The following ETNK1 variants were observed in gnomAD, a reference collection of about 807,000 sequenced individuals.
The protein encoded by ETNK1 is ethanolamine kinase 1.
Under a neutral mutation model 45.1 loss-of-function variants are expected in ETNK1, and 8 were observed. The observed-to-expected ratio is 0.18, with a 90% CI of 0.10 to 0.32. ETNK1 has a LOEUF of 0.32. Among genes scored for constraint, ETNK1 ranks in the 10% least tolerant of loss-of-function variants. The pLI is 1.00. For missense variants in ETNK1, 302 were observed against 430.6 expected (o/e 0.70, Z 2.64); for synonymous variants, 152 against 151.9 (o/e 1.00, Z -0.01).
chr12:22,636,011 A>C (rs139012926), intron 1 of ETNK1, among the ~76,000 whole-genome samples: 1 of 152,056 alleles, frequency 6.6e-6, no homozygotes, highest in Non-Finnish European at 1.5e-5. Context: ...CTACAAAAAA[A>C]ATGCAAAAAG....
At chr12:22,644,085 T>C in intron 2 of ETNK1, 63 bp downstream of exon 2, 2 of 1,507,914 alleles carry the variant, frequency 1.3e-6, no homozygotes, top group African/African-American at 2.8e-5. Flanking sequence ...ATTAAGGAAA[T>C]ATTTTTTAAA....
At chr12:22,628,773 T>C (rs976474981) in intron 1 of ETNK1, among the ~76,000 whole-genome samples, 1 of 152,114 alleles carries the variant, frequency 6.6e-6, no homozygotes, top group African/African-American at 2.4e-5. Context: ...TTGGGACTTA[T>C]AGTAGATAAT....
intron 4 of ETNK1, among the ~76,000 whole-genome samples, chr12:22,662,299 G>T (rs1954011244): frequency 1.4e-5 from 2 of 147,332 alleles, no homozygotes; most frequent in South Asian, 4.3e-4. Context: ...TGTTGGCCAG[G>T]CTGGTCTCGA....
Position 22,679,952 on chromosome 12 carries a change from C to A in ETNK1, c.946-4531C>A, listed in dbSNP as rs372685794. ...AATGATCCACCCACCTCGGCCTCCCCGAGTGTTGGGATTACAGGTGTGAGC... is the reference window on the plus strand; with the variant it reads ...AATGATCCACCCACCTCGGCCTCCCAGAGTGTTGGGATTACAGGTGTGAGC... On this transcript the variant is annotated intron_variant, in intron 6 of 7. Transcript: ENST00000266517. 1.1e-4 allele frequency among the ~76,000 whole-genome samples: 16 copies of A among 152,188 alleles called. 1 individual carries two copies. The highest frequency in any genetic ancestry group is 3.9e-4 in the African/African-American group (16 of 41,538).
At chr12:22,673,733 TA>T (rs1954133363) in intron 6 of ETNK1, 73 bp downstream of exon 6, 1 of 1,393,006 alleles carries the variant, frequency 7.2e-7, no homozygotes, top group African/African-American at 1.4e-5. Flanking sequence ...TTCGTCATCT[TA>T]GACAATTTCC....
At chr12:22,658,895 C>T in intron 2 of ETNK1, 119 bp from the exon 3 acceptor site, 1 of 1,000,258 alleles carries the variant, frequency 1.0e-6, no homozygotes, top group Non-Finnish European at 1.4e-6. Flanking sequence ...AGAGAGAGCA[C>T]AGGTAGGTCT....
At chr12:22,654,749 A>G (rs1020889163) in intron 2 of ETNK1, among the ~76,000 whole-genome samples, 2 of 151,916 alleles carry the variant, frequency 1.3e-5, no homozygotes, top group Non-Finnish European at 2.9e-5. Flanking sequence ...TTTGAATTGT[A>G]TAGGAAGATG....
At chr12:22,661,023 A>C in intron 3 of ETNK1, 40 bp from the exon 4 acceptor site, 2 of 1,564,498 alleles carry the variant, frequency 1.3e-6, no homozygotes, top group Non-Finnish European at 1.7e-6. Flanking sequence ...ACTTGAAAAA[A>C]ATGTCACACA....
intron 4 of ETNK1, among the ~76,000 whole-genome samples, chr12:22,662,249 T>TA (rs1954009846): frequency 6.8e-6 from 1 of 147,342 alleles, no homozygotes; most frequent in Non-Finnish European, 1.5e-5. Context: ...TGTATTTTTT[T>TA]TTTTTTTTTT....
chr12:22,684,587 G>A (rs1954242848), intron 7 of ETNK1, 31 bp downstream of exon 7: 2 of 1,353,526 alleles, frequency 1.5e-6, no homozygotes, highest in Admixed American at 1.8e-5. Context: ...TGATTACATT[G>A]GTCTCTGCTT....
At chr12:22,665,431 A>G (rs886460639) in intron 4 of ETNK1, among the ~76,000 whole-genome samples, 1 of 152,200 alleles carries the variant, frequency 6.6e-6, no homozygotes, top group Non-Finnish European at 1.5e-5. Flanking sequence ...CTTCAGATGG[A>G]TGCTGACAAG....
chr12:22,662,242 ATTTT>A (rs774396641), intron 4 of ETNK1, among the ~76,000 whole-genome samples: 6 of 73,432 alleles, frequency 8.2e-5, no homozygotes, highest in African/African-American at 2.1e-4. Context: ...TAATTTTTGT[ATTTT>A]TTTTTTTTTT....
intron 6 of ETNK1, among the ~76,000 whole-genome samples, chr12:22,683,431 C>CTT (rs1217657682): frequency 7.2e-5 from 11 of 151,924 alleles, no homozygotes; most frequent in Non-Finnish European, 1.5e-5. Context: ...GTGCAGAGTG[C>CTT]TTTTTAAATA....
intron 2 of ETNK1, chr12:22,644,488 G>T: frequency 1.4e-6 from 1 of 701,578 alleles, no homozygotes; most frequent in Admixed American, 4.7e-5. Context: ...TGTCATATAT[G>T]CTTGATCATT....
intron 3 of ETNK1, 124 bp downstream of exon 3, chr12:22,659,278 T>A: frequency 2.1e-6 from 2 of 958,768 alleles, no homozygotes; most frequent in South Asian, 1.8e-5. Context: ...TGAAGTAAAG[T>A]AAGCATTGAT....
Position 22,690,372 on chromosome 12 carries a change from C to T in ETNK1, c.*5418C>T, listed in dbSNP as rs1402109744. 6.6e-6 allele frequency: 1 copy of T among 152,416 alleles called. No homozygotes were observed. Among genetic ancestry groups the T allele is most frequent in the Non-Finnish European group, 1.5e-5 (1 of 67,922 alleles). 9.4% of individuals were successfully genotyped at this position (152,416 alleles called of 1,614,324 possible). On this transcript the variant is annotated 3_prime_UTR_variant, in exon 8 of 8. Coordinates refer to ENST00000266517, the MANE Select transcript of ETNK1 (RefSeq NM_018638.5). ...TCAAAATTTAAGTTTTACATTTTTA[C>T]TACTGTTAATTTAAATAAAATTTGT...
At chr12:22,671,890 T>C (rs566309542) in intron 5 of ETNK1, among the ~76,000 whole-genome samples, 1 of 149,750 alleles carries the variant, frequency 6.7e-6, no homozygotes, top group South Asian at 2.1e-4. Context: ...AAATAATGAT[T>C]GTGGCTTCTG....
intron 2 of ETNK1, among the ~76,000 whole-genome samples, chr12:22,649,601 C>A (rs567098310): frequency 6.6e-6 from 1 of 152,210 alleles, no homozygotes; most frequent in African/African-American, 2.4e-5. Context: ...TATCACACTA[C>A]CTTAATTGCT....
At chr12:22,639,568 T>A (rs1034972462) in intron 1 of ETNK1, among the ~76,000 whole-genome samples, 2 of 151,904 alleles carry the variant, frequency 1.3e-5, no homozygotes, top group Non-Finnish European at 2.9e-5. Context: ...TCCCAGCTAC[T>A]TGGGAGGCTG....
Sources: gnomAD v4.1 joint callset for allele counts (sites outside exome capture counted in the v4.1 genomes callset) on GRCh38, gnomAD v4.1.1 for gene constraint, MANE v1.5 for transcripts, NCBI Gene and HGNC (gene_info 2026-07-23, HGNC 2026-07-21) for gene names.